Variants in HTR2C observed in about 807,000 individuals in gnomAD.
The protein encoded by HTR2C is 5-hydroxytryptamine receptor 2C.
In HTR2C, 5 loss-of-function variants were observed where a neutral mutation model predicts 21.0. That is an observed-to-expected ratio of 0.24 (90% CI 0.12 to 0.50). The LOEUF is 0.50. Among genes scored for constraint, HTR2C ranks in the 20% least tolerant of loss-of-function variants. HTR2C has a pLI of 0.98. For synonymous variants in HTR2C, 150 were observed against 145.3 expected, an observed-to-expected ratio of 1.03 and a Z score of -0.23; for missense variants, 271 against 371.2, an observed-to-expected ratio of 0.73 and a Z score of 2.22.
chrX:114,646,447 C>G (rs1191074413), intron 2 of HTR2C, among the ~76,000 whole-genome samples: 1 of 112,171 alleles, frequency 8.9e-6, no homozygotes, highest in African/African-American at 3.2e-5. Context: ...ATACCTCTGT[C>G]TTTTTATCCA....
At chrX:114,872,718 G>A (rs1207423780) in intron 5 of HTR2C, among the ~76,000 whole-genome samples, 1 of 110,523 alleles carries the variant, frequency 9.0e-6, no homozygotes, top group East Asian at 2.8e-4. Flanking sequence ...CTTAACATAT[G>A]GTCTATGTGG....
At chrX:114,792,717 T>G (rs934496805) in intron 4 of HTR2C, among the ~76,000 whole-genome samples, 2 of 111,973 alleles carry the variant, frequency 1.8e-5, no homozygotes, top group Non-Finnish European at 3.8e-5. Flanking sequence ...ATGGTTGAAC[T>G]AATTTCATTC....
chrX:114,670,541 A>G (rs12854729), intron 2 of HTR2C, among the ~76,000 whole-genome samples: 16,943 of 111,663 alleles, frequency 0.15, 932 homozygotes, highest in South Asian at 0.31. Flanking sequence ...ATTTGGCCAA[A>G]TGCAAAATGC....
chrX:114,868,017 A>AC (rs781874275), intron 5 of HTR2C, among the ~76,000 whole-genome samples: 1 of 107,523 alleles, frequency 9.3e-6, no homozygotes, highest in African/African-American at 3.4e-5. Context: ...AAATTTTAGA[A>AC]TTTTTTTTTT....
rs782802198 is a variant in HTR2C, at chrX:114,860,267, TTTG to T, written c.550+12067_550+12069del. On this transcript the variant is annotated intron_variant, in intron 5 of 5. Coordinates refer to ENST00000276198, the MANE Select transcript of HTR2C (RefSeq NM_000868.4). Reference sequence around the variant, plus strand: ...ATCTCTCCTTTTAGTTTTTTTAACATTTGTTCTATAAATTTTGAGGTTATGTTA... The same window carrying T: ...ATCTCTCCTTTTAGTTTTTTTAACATTTCTATAAATTTTGAGGTTATGTTA... Among the ~76,000 whole-genome samples the T allele has an allele frequency of 2.7e-5, 3 of 111,698 alleles. No homozygotes were observed. The South Asian group carries it at 1.1e-3, about 41-fold the overall frequency.
intron 4 of HTR2C, among the ~76,000 whole-genome samples, chrX:114,800,490 C>T (rs1465071333): frequency 9.0e-6 from 1 of 111,148 alleles, no homozygotes; most frequent in Non-Finnish European, 1.9e-5. Context: ...GGAAGTAACT[C>T]GTGGCATCAG....
At chrX:114,706,349 A>C (rs1932767805) in intron 2 of HTR2C, among the ~76,000 whole-genome samples, 1 of 81,725 alleles carries the variant, frequency 1.2e-5, no homozygotes, top group Non-Finnish European at 2.4e-5. Context: ...AAAATGTGGC[A>C]CATATACACC....
intron 1 of HTR2C, among the ~76,000 whole-genome samples, chrX:114,606,886 A>G (rs1336913957): frequency 9.1e-6 from 1 of 110,497 alleles, no homozygotes; most frequent in Non-Finnish European, 1.9e-5. Context: ...TGAGTCCGAA[A>G]AGAGAGTCAG....
At chrX:114,753,844 C>T (rs2069784824) in intron 4 of HTR2C, among the ~76,000 whole-genome samples, 1 of 111,690 alleles carries the variant, frequency 9.0e-6, no homozygotes, top group African/African-American at 3.3e-5. Flanking sequence ...TCAGTTCTTC[C>T]TCTATTAGTT....
intron 5 of HTR2C, among the ~76,000 whole-genome samples, chrX:114,868,216 T>G (rs1163915215): frequency 1.8e-5 from 2 of 110,974 alleles, no homozygotes; most frequent in African/African-American, 6.5e-5. Flanking sequence ...TATAGAGATT[T>G]TTCACTTCTT....
chrX:114,823,570 GACACCAGAA>G (rs2070654537), intron 4 of HTR2C: 4 of 339,976 alleles, frequency 1.2e-5, no homozygotes, highest in Non-Finnish European at 2.4e-5. Context: ...CGTCATGACA[GACACCAGAA>G]ACACCACTCT....
intron 2 of HTR2C, among the ~76,000 whole-genome samples, chrX:114,708,294 G>A (rs1377982919): frequency 9.0e-6 from 1 of 111,506 alleles, no homozygotes; most frequent in East Asian, 2.8e-4. Flanking sequence ...ATTAAACAAA[G>A]GCACAGAAAG....
In HTR2C at chrX:114,807,525, C is replaced by CAT. The variant is rs61041073; in HGVS notation, c.350-40467_350-40466dup. On this transcript the variant is annotated intron_variant, in intron 4 of 5. Transcript: ENST00000276198. ...ATATATACACCATATATATATATAC[C>CAT]ATATATATATATGGTACATAAGATA... Among the ~76,000 whole-genome samples the CAT allele has an allele frequency of 2.7e-3, 260 of 96,222 alleles. 1 individual carries two copies. Among genetic ancestry groups the CAT allele is most frequent in the African/African-American group, 8.6e-3 (223 of 25,978 alleles). 83.6% of individuals were successfully genotyped at this position (96,222 alleles called of 115,157 possible).
At chrX:114,823,447 C>T (rs782393338) in intron 4 of HTR2C, 9 of 342,448 alleles carry the variant, frequency 2.6e-5, no homozygotes, top group South Asian at 1.3e-4. Flanking sequence ...AGTTCATCTT[C>T]GCATGGGCCG....
chrX:114,702,776 A>C, intron 2 of HTR2C, among the ~76,000 whole-genome samples: 1 of 106,414 alleles, frequency 9.4e-6, no homozygotes. Context: ...AAATTGGATA[A>C]AGAGTCAAGA....
At chrX:114,683,123 G>A (rs1488764021) in intron 2 of HTR2C, among the ~76,000 whole-genome samples, 1 of 111,664 alleles carries the variant, frequency 9.0e-6, no homozygotes, top group African/African-American at 3.3e-5. Context: ...AAACACTTAA[G>A]CTTTGGAAAC....
chrX:114,720,679 A>T, intron 2 of HTR2C, among the ~76,000 whole-genome samples: 1 of 29,406 alleles, frequency 3.4e-5, no homozygotes, highest in Non-Finnish European at 5.6e-5. Context: ...CCCCGACCCC[A>T]CCACAGTCCC....
rs781931599 is a variant in HTR2C at position 114,906,884 on chromosome X, A to C, written c.846A>C (p.Gln282His). Reference sequence around the variant, plus strand: ...AAGAGAACTCTGCAAACCCTAACCAAGACCAGAACGCACGCCGAAGAAAGA... The same window carrying C: ...AAGAGAACTCTGCAAACCCTAACCACGACCAGAACGCACGCCGAAGAAAGA... The part of the protein sequence containing the change: ...AEEENSANPN[Q>H]DQNARRRKKK... Residue 282 changes from glutamine (Q) to histidine (H), a missense_variant, in exon 6 of 6, where the codon CAA becomes CAC. By Grantham distance (24) the Gln-to-His change is conservative. This residue lies in a region of HTR2C where 192 missense variants were observed against 247.2 expected (regional missense o/e 0.78). Transcript: ENST00000276198. 2.5e-5 allele frequency: 30 copies of C among 1,211,220 alleles called. No individual in the cohort carries two copies. The highest frequency in any genetic ancestry group is 3.0e-5 in the Non-Finnish European group (27 of 895,481).
chrX:114,805,589 C>CAT (rs1556448518), intron 4 of HTR2C, among the ~76,000 whole-genome samples: 2 of 67,864 alleles, frequency 2.9e-5, no homozygotes, highest in African/African-American at 1.1e-4. Flanking sequence ...ATATATACAC[C>CAT]ATATATATAC....
Sources: allele counts gnomAD v4.1 joint callset (sites outside exome capture counted in the v4.1 genomes callset), GRCh38; gene constraint gnomAD v4.1.1; regional missense constraint gnomAD v4.1.1; transcripts MANE v1.5; gene names NCBI Gene and HGNC (gene_info 2026-07-23, HGNC 2026-07-21).